Variants in KCNT2 observed in about 807,000 individuals in gnomAD.
The protein encoded by KCNT2 is potassium sodium-activated channel subfamily T member 2.
In KCNT2, 67 loss-of-function variants were observed where a neutral mutation model predicts 153.8. That is an observed-to-expected ratio of 0.44 (90% CI 0.36 to 0.53). The LOEUF is 0.53. Ranked by LOEUF, KCNT2 falls within the 20% of genes least tolerant of loss-of-function variation. The probability of loss-of-function intolerance (pLI) is 0.00; values close to 1 mark genes in which losing one functional copy is unlikely to be tolerated. For synonymous variants in KCNT2, 500 were observed against 458.8 expected (o/e 1.09, Z -1.15); for missense variants, 975 against 1,354.8 (o/e 0.72, Z 4.40).
chr1:196,529,399 T>C (rs1389890783), intron 1 of KCNT2, among the ~76,000 whole-genome samples: 2 of 152,164 alleles, frequency 1.3e-5, no homozygotes, highest in Non-Finnish European at 2.9e-5. Flanking sequence ...CAGTACCTTT[T>C]TCTTGAATCA....
intron 8 of KCNT2, among the ~76,000 whole-genome samples, chr1:196,436,086 T>C (rs1463534651): frequency 6.6e-6 from 1 of 151,430 alleles, no homozygotes; most frequent in Non-Finnish European, 1.5e-5. Flanking sequence ...ATGGAGAAGT[T>C]TGATTTAAAA....
intron 1 of KCNT2, among the ~76,000 whole-genome samples, chr1:196,597,499 A>G (rs1298406559): frequency 6.6e-6 from 1 of 152,064 alleles, no homozygotes; most frequent in Non-Finnish European, 1.5e-5. Flanking sequence ...GAGTCTTATG[A>G]AACTTGCTAT....
chr1:196,507,071 A>G (rs947381515), intron 1 of KCNT2, among the ~76,000 whole-genome samples: 1 of 152,132 alleles, frequency 6.6e-6, no homozygotes, highest in Non-Finnish European at 1.5e-5. Context: ...TTATTAGAAA[A>G]TGTGAAATCT....
At chr1:196,253,997 A>T (rs923629605) in intron 26 of KCNT2, among the ~76,000 whole-genome samples, 10 of 151,522 alleles carry the variant, frequency 6.6e-5, no homozygotes, top group Non-Finnish European at 1.5e-5. Flanking sequence ...TATTGGTGTC[A>T]TTGAAAAATT....
At chr1:196,412,724 G>A (rs1277861548) in intron 12 of KCNT2, among the ~76,000 whole-genome samples, 4 of 151,346 alleles carry the variant, frequency 2.6e-5, no homozygotes, top group African/African-American at 7.3e-5. Flanking sequence ...AAAGCAACAC[G>A]AAAAAGGAAA....
chr1:196,282,485 C>T (rs185625460), intron 23 of KCNT2, 129 bp from the exon 24 acceptor site: 8 of 535,438 alleles, frequency 1.5e-5, no homozygotes, highest in African/African-American at 3.9e-5. Flanking sequence ...ATTTTTAACC[C>T]TCCATACAAA....
chr1:196,260,428 C>T (rs1461668220), intron 25 of KCNT2, among the ~76,000 whole-genome samples: 2 of 151,638 alleles, frequency 1.3e-5, no homozygotes, highest in Admixed American at 1.3e-4. Context: ...GAACTGAAAC[C>T]TATGTATACA....
chr1:196,470,850 A>T (rs959613666), intron 5 of KCNT2, among the ~76,000 whole-genome samples: 1 of 148,726 alleles, frequency 6.7e-6, no homozygotes, highest in South Asian at 2.2e-4. Flanking sequence ...AAATTTTTGC[A>T]TATATTGACC....
At chr1:196,603,202 C>G (rs1664951344) in intron 1 of KCNT2, among the ~76,000 whole-genome samples, 1 of 152,136 alleles carries the variant, frequency 6.6e-6, no homozygotes, top group Non-Finnish European at 1.5e-5. Flanking sequence ...TGTCTAAACT[C>G]TCTTTCTAAA....
In KCNT2 at chr1:196,380,107, A is replaced by G. The variant is rs117015498; in HGVS notation, c.1295-6859T>C. Among the ~76,000 whole-genome samples, 14 of 152,342 alleles carry G rather than the reference A, an allele frequency of 9.2e-5. No individual in the cohort carries two copies. The East Asian group carries it at 2.7e-3, about 29-fold the overall frequency. ...CTTTTGTAAAAATGCTGAATTCTGCAAGAATGCTCATGTGTATGCCTGTAT... is the reference window on the plus strand; with the variant it reads ...CTTTTGTAAAAATGCTGAATTCTGCGAGAATGCTCATGTGTATGCCTGTAT... On this transcript the variant is annotated intron_variant, in intron 13 of 27. Transcript: ENST00000294725.
In KCNT2 at chr1:196,258,182, T is replaced by C. The variant is rs1459059963; in HGVS notation, c.3211+12A>G. On this transcript the variant is annotated intron_variant, in intron 26 of 27. Coordinates refer to ENST00000294725, the MANE Select transcript of KCNT2 (RefSeq NM_198503.5). ...ACGAGTCCATATATACAGTAGTTTT[T>C]AAAGAGCATACCATATCCCACTGTA... 3.1e-6 allele frequency: 5 copies of C among 1,611,844 alleles called. No homozygotes were observed. The highest frequency in any genetic ancestry group is 4.2e-6 in the Non-Finnish European group (5 of 1,179,168).
intron 1 of KCNT2, among the ~76,000 whole-genome samples, chr1:196,561,181 C>T (rs890625057): frequency 3.3e-5 from 5 of 151,482 alleles, no homozygotes; most frequent in South Asian, 2.1e-4. Flanking sequence ...AATCATTCCA[C>T]GACTTATACA....
chr1:196,304,436 G>T (rs532928280), intron 22 of KCNT2, among the ~76,000 whole-genome samples: 41 of 152,152 alleles, frequency 2.7e-4, no homozygotes, highest in African/African-American at 9.4e-4. Context: ...TCACTGCAGC[G>T]TCGAAATTTT....
chr1:196,390,804 T>C (rs1670414425), intron 13 of KCNT2, among the ~76,000 whole-genome samples: 1 of 151,166 alleles, frequency 6.6e-6, no homozygotes, highest in South Asian at 2.1e-4. Context: ...GGCAAGGTGA[T>C]TTGAGGTAAT....
At chr1:196,475,942 A>G (rs1440237075) in intron 5 of KCNT2, among the ~76,000 whole-genome samples, 1 of 152,170 alleles carries the variant, frequency 6.6e-6, no homozygotes, top group African/African-American at 2.4e-5. Flanking sequence ...GAAATATTAT[A>G]TATCATCTAG....
chr1:196,364,152 C>G (rs1375610148), intron 14 of KCNT2, among the ~76,000 whole-genome samples: 3 of 151,814 alleles, frequency 2.0e-5, no homozygotes. Flanking sequence ...CAGTGTTAAC[C>G]CCTTCTTTTG....
intron 14 of KCNT2, among the ~76,000 whole-genome samples, chr1:196,358,317 C>T (rs1038755768): frequency 7.9e-5 from 12 of 151,612 alleles, no homozygotes; most frequent in African/African-American, 2.9e-4. Context: ...AACTCCTGTT[C>T]TGTTTGAATC....
chr1:196,383,551 T>C (rs1017356417), intron 13 of KCNT2, among the ~76,000 whole-genome samples: 1 of 152,124 alleles, frequency 6.6e-6, no homozygotes, highest in Non-Finnish European at 1.5e-5. Context: ...CACTGGGTGA[T>C]TGAATAAGCA....
At chr1:196,594,056 C>A (rs1663750794) in intron 1 of KCNT2, among the ~76,000 whole-genome samples, 1 of 151,896 alleles carries the variant, frequency 6.6e-6, no homozygotes, top group Admixed American at 6.6e-5. Flanking sequence ...ACTACCACTA[C>A]CTATGTGAGT....
Sources: gnomAD v4.1 joint callset for allele counts (sites outside exome capture counted in the v4.1 genomes callset) on GRCh38, gnomAD v4.1.1 for gene constraint, MANE v1.5 for transcripts, NCBI Gene and HGNC (gene_info 2026-07-23, HGNC 2026-07-21) for gene names.